Variants in GBF1 observed in about 807,000 individuals in gnomAD.
GBF1 encodes golgi brefeldin A resistant guanine nucleotide exchange factor 1.
A neutral mutation model predicts 210.5 loss-of-function variants in GBF1; 114 were observed. The observed-to-expected ratio is 0.54, with a 90% CI of 0.47 to 0.63. GBF1 has a LOEUF of 0.63. Among genes scored for constraint, GBF1 ranks in the 30% least tolerant of loss-of-function variants. GBF1 has a pLI of 0.00. For missense variants in GBF1, 1,851 were observed against 2,357.7 expected (o/e 0.79, Z 4.45); for synonymous variants, 850 against 889.2 (o/e 0.96, Z 0.78).
chr10:102,272,163 A>G (rs1470466679), intron 3 of GBF1, among the ~76,000 whole-genome samples: 4 of 151,466 alleles, frequency 2.6e-5, no homozygotes, highest in East Asian at 3.9e-4. Context: ...CTGGACTGCA[A>G]TGGTGTGATC....
At position 102,368,458 on chromosome 10, in the gene GBF1, G is replaced by A. The variant is rs1319700840; in HGVS notation, c.2879+4G>A. On this transcript the variant is annotated splice_donor_region_variant and intron_variant, in intron 22 of 39. Transcript: ENST00000369983. The stretch of plus-strand genomic sequence containing the variant: ...AGAAAGCCATCTCAGGCTTCAGGTA[G>A]CCCAGCTTTGGCCTTGGTCTTCACC... 1 of 1,546,836 alleles carries A rather than the reference G, an allele frequency of 6.5e-7. No homozygotes were observed. Among genetic ancestry groups the A allele is most frequent in the Non-Finnish European group, 8.9e-7 (1 of 1,119,014 alleles).
intron 3 of GBF1, among the ~76,000 whole-genome samples, chr10:102,342,722 C>G (rs1451025207): frequency 1.3e-5 from 2 of 152,006 alleles, no homozygotes; most frequent in Non-Finnish European, 2.9e-5. Context: ...GTGGGGCAGC[C>G]TAGATCACAT....
At chr10:102,364,241 TTC>T (rs1491477763) in intron 17 of GBF1, among the ~76,000 whole-genome samples, 7 of 145,418 alleles carry the variant, frequency 4.8e-5, no homozygotes, top group African/African-American at 1.8e-4. Context: ...TTTTTTTTTT[TTC>T]AGACGGAGTC....
At chr10:102,240,993 C>G (rs2070520707), upstream of GBF1, among the ~76,000 whole-genome samples, 1 of 152,174 alleles carries the variant, frequency 6.6e-6, no homozygotes, top group South Asian at 2.1e-4. Flanking sequence ...ACCCCTTTCG[C>G]TCCCTGGCCG....
intron 21 of GBF1, 49 bp downstream of exon 21, chr10:102,367,609 A>G (rs1565170522): frequency 9.3e-7 from 1 of 1,073,904 alleles, no homozygotes. Context: ...GAAGAAGCAC[A>G]TTGCTTCCTT....
intron 3 of GBF1, among the ~76,000 whole-genome samples, chr10:102,332,641 A>G (rs2134346443): frequency 6.6e-6 from 1 of 151,958 alleles, no homozygotes; most frequent in East Asian, 1.9e-4. Flanking sequence ...ACCTTTGCCT[A>G]CCAAAGTGCT....
intron 3 of GBF1, among the ~76,000 whole-genome samples, chr10:102,279,224 G>T (rs909871525): frequency 1.3e-5 from 2 of 152,122 alleles, no homozygotes; most frequent in African/African-American, 4.8e-5. Context: ...TTGGAAAAAG[G>T]TTTGGCTCAA....
At chr10:102,334,901 T>C (rs2057622275) in intron 3 of GBF1, among the ~76,000 whole-genome samples, 1 of 150,834 alleles carries the variant, frequency 6.6e-6, no homozygotes, top group African/African-American at 2.4e-5. Context: ...GGTCACCTCA[T>C]CATTTGGGAA....
chr10:102,374,753 T>C (rs1412491286), intron 29 of GBF1, among the ~76,000 whole-genome samples: 4 of 152,248 alleles, frequency 2.6e-5, no homozygotes, highest in African/African-American at 9.6e-5. Context: ...AGTATCTTGA[T>C]TATGATATTA....
chr10:102,380,825 T>C (rs1457624662), intron 38 of GBF1, 139 bp downstream of exon 38: 5 of 760,696 alleles, frequency 6.6e-6, no homozygotes, highest in East Asian at 2.5e-5. Flanking sequence ...CTGACCAACA[T>C]AGTGAAACCC....
At chr10:102,292,558 G>A (rs1388153878) in intron 3 of GBF1, among the ~76,000 whole-genome samples, 1 of 151,982 alleles carries the variant, frequency 6.6e-6, no homozygotes, top group African/African-American at 2.4e-5. Context: ...TTAGAGATGG[G>A]GTTCTCGCCA....
At chr10:102,364,813 C>T (rs1222686227) in intron 17 of GBF1, among the ~76,000 whole-genome samples, 1 of 151,838 alleles carries the variant, frequency 6.6e-6, no homozygotes, top group Non-Finnish European at 1.5e-5. Context: ...CACGCCACTG[C>T]ACTCCAGCCT....
chr10:102,376,162 A>C (rs2060482985), intron 30 of GBF1, 110 bp from the exon 31 acceptor site: 19 of 779,500 alleles, frequency 2.4e-5, no homozygotes, highest in Non-Finnish European at 3.8e-5. Flanking sequence ...AAACTATGCC[A>C]GAGAGAGGGG....
intron 1 of GBF1, among the ~76,000 whole-genome samples, chr10:102,257,035 C>A (rs1394740181): frequency 6.6e-6 from 1 of 152,062 alleles, no homozygotes; most frequent in Non-Finnish European, 1.5e-5. Flanking sequence ...GAGACCTTGT[C>A]TCAAAAAAAC....
Position 102,344,053 on chromosome 10 carries a change from C to T in GBF1, c.166C>T (p.Leu56Phe). Residue 56 changes from leucine to phenylalanine, a missense_variant and splice_region_variant, in exon 4 of 40, where the codon CTC becomes TTC. Physicochemically the swap from Leu to Phe is conservative, Grantham distance 22. Coordinates refer to ENST00000369983, the MANE Select transcript of GBF1 (RefSeq NM_001377137.1). ...CATTTCTGTGTATTTTCTTGCAGAA[C>T]TCTCAGAAATTGAGCCCAATGTATT... The part of the protein sequence containing the change: ...LKEVLNSITE[L>F]SEIEPNVFLR... 6.2e-7 allele frequency: 1 copy of T among 1,611,604 alleles called. No individual in the cohort carries two copies. The highest frequency in any genetic ancestry group is 8.5e-7 in the Non-Finnish European group (1 of 1,177,784).
chr10:102,368,136 A>G (rs1374779811), intron 21 of GBF1, 82 bp from the exon 22 acceptor site: 1 of 844,550 alleles, frequency 1.2e-6, no homozygotes, highest in Middle Eastern at 3.3e-4. Flanking sequence ...GGAGAGTGCT[A>G]GTATGGATGA....
chr10:102,293,764 G>GTTTTTTTTTT, intron 3 of GBF1, among the ~76,000 whole-genome samples: 665 of 50,840 alleles, frequency 0.013, 206 homozygotes, highest in Non-Finnish European at 0.019. Context: ...GCTGTAGTAT[G>GTTTTTTTTTT]TTTTGTGTTT....
At position 102,379,338 on chromosome 10, in the gene GBF1, T is replaced by C. The variant is rs1328906273; in HGVS notation, c.4549T>C (p.Trp1517Arg). The C allele has an allele frequency of 6.2e-7, 1 of 1,613,910 alleles. No individual in the cohort carries two copies. The highest frequency in any genetic ancestry group is 8.5e-7 in the Non-Finnish European group (1 of 1,179,906). The change falls in exon 34 of 40, where the codon TGG (tryptophan) becomes CGG (arginine). Residue 1517 changes from tryptophan to arginine, a missense_variant. Trp to Arg is a moderately radical substitution (Grantham distance 101). Around this residue, in one of 3 missense-constraint regions of GBF1, gnomAD observed 967 missense variants for 1,247.7 expected, o/e 0.78. Transcript: ENST00000369983. ...GCGGGCAGCCTCTATCTACAGCTCA[T>C]GGGCGGAGGAGCAACGCCACCTGGA... ...HTRAASIYSS[W>R]AEEQRHLETG...
chr10:102,237,255 C>G, the GBF1 span, among the ~76,000 whole-genome samples: 2 of 151,966 alleles, frequency 1.3e-5, no homozygotes, highest in Non-Finnish European at 2.9e-5. Flanking sequence ...AGAGGGAAGC[C>G]CATGGAAGGT....
Sources: gnomAD v4.1 joint callset for allele counts (sites outside exome capture counted in the v4.1 genomes callset) on GRCh38, gnomAD v4.1.1 for gene constraint, gnomAD v4.1.1 regional missense constraint, MANE v1.5 for transcripts, NCBI Gene and HGNC (gene_info 2026-07-23, HGNC 2026-07-21) for gene names.